The following DPP10 variants were observed in gnomAD, a reference collection of about 807,000 sequenced individuals.
The protein encoded by DPP10 is dipeptidyl peptidase like 10.
Under a neutral mutation model 120.9 loss-of-function variants are expected in DPP10, and 33 were observed. The ratio of observed to expected loss-of-function variants is 0.27; its 90% CI spans 0.21 to 0.37. DPP10 has a LOEUF of 0.37. DPP10 is among the 10% of genes least tolerant of loss of function. DPP10 has a pLI of 1.00. For synonymous variants in DPP10, 337 were observed against 326.1 expected (o/e 1.03, Z -0.36); for missense variants, 816 against 942.8 (o/e 0.87, Z 1.76).
chr2:115,302,990 T>C (rs1574353046), intron 1 of DPP10, among the ~76,000 whole-genome samples: 1 of 152,030 alleles, frequency 6.6e-6, no homozygotes, highest in African/African-American at 2.4e-5. Context: ...ATATTTTCTT[T>C]ATTGGTATTC....
At chr2:115,503,688 T>C (rs13007729) in intron 4 of DPP10, among the ~76,000 whole-genome samples, 32,287 of 152,120 alleles carry the variant, frequency 0.21, 3,941 homozygotes, top group East Asian at 0.39. Flanking sequence ...CTAACACTGA[T>C]TAATCAGTGA....
At chr2:115,745,888 A>G (rs1399114581) in intron 9 of DPP10, among the ~76,000 whole-genome samples, 198 bp from the exon 10 acceptor site, 1 of 152,202 alleles carries the variant, frequency 6.6e-6, no homozygotes, top group Admixed American at 6.5e-5. Context: ...TCTGAAGAAA[A>G]TGATTGAGAA....
chr2:114,925,357 G>A (rs1257557959), intron 1 of DPP10, among the ~76,000 whole-genome samples: 1 of 152,126 alleles, frequency 6.6e-6, no homozygotes, highest in Non-Finnish European at 1.5e-5. Flanking sequence ...TACCAAAGTT[G>A]TGGAAGGCAG....
intron 1 of DPP10, among the ~76,000 whole-genome samples, chr2:115,240,637 C>T (rs1240372555): frequency 3.3e-5 from 5 of 152,096 alleles, no homozygotes; most frequent in Non-Finnish European, 7.4e-5. Context: ...TTAGCGTCAG[C>T]ATGACTTTTA....
At chr2:115,806,403 C>A (rs1685977845) in intron 19 of DPP10, among the ~76,000 whole-genome samples, 2 of 152,148 alleles carry the variant, frequency 1.3e-5, no homozygotes, top group Admixed American at 1.3e-4. Context: ...ATACTTAGTA[C>A]TATAATCATT....
At chr2:115,792,437 A>G (rs1684087821) in intron 19 of DPP10, among the ~76,000 whole-genome samples, 1 of 152,128 alleles carries the variant, frequency 6.6e-6, no homozygotes, top group African/African-American at 2.4e-5. Context: ...AACAAACCAC[A>G]TAATACAGAA....
Position 115,154,892 on chromosome 2 carries a change from C to CT in DPP10, c.61-154330dup, listed in dbSNP as rs34462965. Among the ~76,000 whole-genome samples the CT allele has an allele frequency of 3.9e-3, 539 of 136,514 alleles. 5 individuals carry two copies. Among genetic ancestry groups the CT allele is most frequent in the African/African-American group, 9.4e-3 (352 of 37,404 alleles). The allele number at this position is 136,514 out of a possible 152,430, so 89.6% of individuals were successfully genotyped here. A position where few individuals can be genotyped will look rare whatever the true frequency, so the allele number is the denominator to read the frequency against. On this transcript the variant is annotated intron_variant, in intron 1 of 25. Coordinates refer to ENST00000410059, the MANE Select transcript of DPP10 (RefSeq NM_020868.6). ...TAAAAAAATTGCGGTTTTGCCATTA[C>CT]TTTTTTTTTTTTTTTTTGAGACAGA...
chr2:115,834,963 G>A (rs968750825), intron 21 of DPP10, among the ~76,000 whole-genome samples: 2 of 152,116 alleles, frequency 1.3e-5, no homozygotes, highest in Non-Finnish European at 2.9e-5. Context: ...GCGGGCGCCT[G>A]TGGTCCCAGC....
At chr2:115,515,468 CT>C (rs2077452874) in intron 4 of DPP10, among the ~76,000 whole-genome samples, 1 of 151,996 alleles carries the variant, frequency 6.6e-6, no homozygotes, top group African/African-American at 2.4e-5. Context: ...TGAGAATCAT[CT>C]TTTTATATGT....
At chr2:115,799,883 C>T (rs1056935691) in intron 19 of DPP10, among the ~76,000 whole-genome samples, 6 of 151,788 alleles carry the variant, frequency 4.0e-5, no homozygotes, top group African/African-American at 1.5e-4. Context: ...TGAATAGTGC[C>T]GCTATGAACA....
At chr2:114,460,215 A>G (rs1220313003) in intron 1 of DPP10, among the ~76,000 whole-genome samples, 1 of 134,650 alleles carries the variant, frequency 7.4e-6, no homozygotes, top group Admixed American at 8.0e-5. Context: ...CTATCTATCT[A>G]TCTATCTATT....
intron 3 of DPP10, among the ~76,000 whole-genome samples, chr2:115,443,244 C>T (rs1349963855): frequency 1.3e-5 from 2 of 152,104 alleles, no homozygotes; most frequent in East Asian, 1.9e-4. Context: ...CTGATGCTTT[C>T]AACTTTCAAG....
rs1395124359 is a variant in DPP10 at position 115,753,168 on chromosome 2, A to G, written c.951-6A>G. The G allele has an allele frequency of 1.2e-6, 2 of 1,606,946 alleles. No homozygotes were observed. The highest frequency in any genetic ancestry group is 3.4e-5 in the Admixed American group (2 of 59,418). ...AACATACATTTTAATTTTGTTTCCA[A>G]ACTAGAGAATACTATATCACTATGG... is the stretch of plus-strand genomic sequence containing the variant. On this transcript the variant is annotated splice_polypyrimidine_tract_variant and splice_region_variant and intron_variant, in intron 10 of 25. Transcript: ENST00000410059.
intron 3 of DPP10, among the ~76,000 whole-genome samples, chr2:115,490,778 T>TA (rs1239746117): frequency 6.6e-6 from 1 of 152,162 alleles, no homozygotes; most frequent in Non-Finnish European, 1.5e-5. Context: ...AAGATAGTAT[T>TA]AAAAAATATT....
intron 5 of DPP10, among the ~76,000 whole-genome samples, chr2:115,571,614 G>A (rs1473497491): frequency 5.9e-5 from 9 of 151,636 alleles, no homozygotes. Context: ...GTGTCATTTT[G>A]TTCTCTCTTA....
At chr2:115,344,023 C>G in intron 3 of DPP10, 111 bp downstream of exon 3, 1 of 782,398 alleles carries the variant, frequency 1.3e-6, no homozygotes, top group Non-Finnish European at 1.8e-6. Flanking sequence ...GTCATCCCAG[C>G]ACCTTGGGAG....
intron 1 of DPP10, among the ~76,000 whole-genome samples, chr2:114,801,709 A>T (rs1684263131): frequency 6.6e-6 from 1 of 152,212 alleles, no homozygotes; most frequent in African/African-American, 2.4e-5. Flanking sequence ...AGGGCCCACA[A>T]GGGATGGATG....
chr2:114,562,423 T>G (rs2104951293), intron 1 of DPP10, among the ~76,000 whole-genome samples: 1 of 152,340 alleles, frequency 6.6e-6, no homozygotes, highest in South Asian at 2.1e-4. Context: ...AAAGTCAGAA[T>G]AGCATCTTCT....
chr2:114,551,424 G>A (rs1687877060), intron 1 of DPP10, among the ~76,000 whole-genome samples: 1 of 152,152 alleles, frequency 6.6e-6, no homozygotes, highest in Admixed American at 6.5e-5. Flanking sequence ...TACAACTCTA[G>A]GAGAATGACA....
Sources: gnomAD v4.1 joint callset for allele counts (sites outside exome capture counted in the v4.1 genomes callset) on GRCh38, gnomAD v4.1.1 for gene constraint, MANE v1.5 for transcripts, NCBI Gene and HGNC (gene_info 2026-07-23, HGNC 2026-07-21) for gene names.